The following ARHGAP24 variants were observed in gnomAD, a reference collection of about 807,000 sequenced individuals.
ARHGAP24 encodes rho GTPase-activating protein 24.
In ARHGAP24, 50 loss-of-function variants were observed where a neutral mutation model predicts 76.4. That is an observed-to-expected ratio of 0.65 (90% CI 0.52 to 0.83). The LOEUF (loss-of-function observed/expected upper bound fraction) is 0.83. Ranked by LOEUF, ARHGAP24 falls within the 40% of genes least tolerant of loss-of-function variation. The probability of loss-of-function intolerance (pLI) is 0.00; values close to 1 mark genes in which losing one functional copy is unlikely to be tolerated. For missense variants in ARHGAP24, 930 were observed against 914.2 expected, an observed-to-expected ratio of 1.02 and a Z score of -0.22; for synonymous variants, 345 against 323.3, an observed-to-expected ratio of 1.07 and a Z score of -0.72.
intron 3 of ARHGAP24, among the ~76,000 whole-genome samples, chr4:85,765,498 T>C (rs1726898619): frequency 6.6e-6 from 1 of 152,086 alleles, no homozygotes; most frequent in Admixed American, 6.5e-5. Context: ...AAATAATTAG[T>C]CATGAAAAGG....
At chr4:85,977,797 A>C in intron 8 of ARHGAP24, 106 bp downstream of exon 8, 1 of 1,330,260 alleles carries the variant, frequency 7.5e-7, no homozygotes. Context: ...AAGTGAATAC[A>C]TGGCAACTCC....
rs146736027 is a variant in ARHGAP24 at position 85,564,580 on chromosome 4, G to C, written c.-20-5942G>C. Among the ~76,000 whole-genome samples, 72 of 151,628 alleles carry C rather than the reference G, an allele frequency of 4.7e-4. 1 individual carries two copies. The East Asian group carries it at 0.013, about 27-fold the overall frequency. ...TAAAAAAAAAAGATTTTGTTTTCTA[G>C]AGCAGTGGTCCGCAACCTTTTTAAC... On this transcript the variant is annotated intron_variant, in intron 1 of 9. Coordinates refer to ENST00000395184, the MANE Select transcript of ARHGAP24 (RefSeq NM_001025616.3).
intron 3 of ARHGAP24, among the ~76,000 whole-genome samples, chr4:85,858,649 G>A (rs1295701798): frequency 6.6e-6 from 1 of 152,060 alleles, no homozygotes; most frequent in African/African-American, 2.4e-5. Context: ...AGTTGGCTTT[G>A]CCTCTGTAGA....
intron 2 of ARHGAP24, among the ~76,000 whole-genome samples, chr4:85,664,880 G>T (rs1332315028): frequency 6.6e-6 from 1 of 152,150 alleles, no homozygotes; most frequent in African/African-American, 2.4e-5. Flanking sequence ...CTGAGAGACA[G>T]TTTGTTATAA....
intron 2 of ARHGAP24, among the ~76,000 whole-genome samples, chr4:85,681,131 G>T (rs771553484): frequency 6.6e-6 from 1 of 152,090 alleles, no homozygotes; most frequent in Non-Finnish European, 1.5e-5. Context: ...AACTAAAATG[G>T]TGTTTTAACT....
chr4:85,999,746 A>C (rs1174614963), intron 9 of ARHGAP24: 1 of 152,248 alleles, frequency 6.6e-6, no homozygotes, highest in Non-Finnish European at 1.5e-5. Flanking sequence ...GTTACTGCGA[A>C]TTCTACAATT....
chr4:85,632,150 T>A (rs893989722), intron 2 of ARHGAP24, among the ~76,000 whole-genome samples: 1 of 152,064 alleles, frequency 6.6e-6, no homozygotes, highest in Admixed American at 6.6e-5. Flanking sequence ...TTTCTTCTAC[T>A]CTTTTTCTGA....
At chr4:85,939,590 A>C (rs1312636169) in intron 4 of ARHGAP24, among the ~76,000 whole-genome samples, 1 of 152,200 alleles carries the variant, frequency 6.6e-6, no homozygotes, top group Non-Finnish European at 1.5e-5. Flanking sequence ...GTTTTAAAGT[A>C]AATTCTCATT....
intron 3 of ARHGAP24, among the ~76,000 whole-genome samples, chr4:85,780,230 A>G (rs1002817626): frequency 4.6e-5 from 7 of 151,568 alleles, no homozygotes; most frequent in African/African-American, 1.7e-4. Flanking sequence ...CTGGAGTGCA[A>G]TGGCACGCTC....
At position 85,996,985 on chromosome 4, in the gene ARHGAP24, A is replaced by G. The variant is rs1169434066; in HGVS notation, c.2003+1328A>G. On this transcript the variant is annotated intron_variant, in intron 9 of 9. Transcript: ENST00000395184. ...GTTGCTGATGCATATATGTTCTGAG[A>G]TCTACGGTATATTTCAGAGATTTTG... Among the ~76,000 whole-genome samples, 3 of 152,172 alleles carry G rather than the reference A, an allele frequency of 2.0e-5. No individual in the cohort carries two copies. In the East Asian group the frequency reaches 5.8e-4, roughly 29 times the overall value.
chr4:85,971,952 C>T (rs1032948644), intron 5 of ARHGAP24, 84 bp from the exon 6 acceptor site: 29 of 1,598,434 alleles, frequency 1.8e-5, no homozygotes, highest in Middle Eastern at 3.3e-4. Context: ...GGATAGAATT[C>T]TGACTCCTGG....
At chr4:85,966,667 C>T (rs982676687) in intron 5 of ARHGAP24, among the ~76,000 whole-genome samples, 28 of 152,140 alleles carry the variant, frequency 1.8e-4, no homozygotes, top group African/African-American at 6.8e-4. Flanking sequence ...CAGAGGACTG[C>T]TTAAGCAAGA....
At chr4:85,763,101 C>T (rs1305230323) in intron 3 of ARHGAP24, among the ~76,000 whole-genome samples, 1 of 152,118 alleles carries the variant, frequency 6.6e-6, no homozygotes, top group Non-Finnish European at 1.5e-5. Context: ...TATCCACTGC[C>T]TGATTCTTAT....
intron 2 of ARHGAP24, among the ~76,000 whole-genome samples, chr4:85,640,811 G>A (rs766120341): frequency 1.3e-5 from 2 of 152,162 alleles, no homozygotes; most frequent in East Asian, 3.9e-4. Flanking sequence ...GTCAGGATTT[G>A]ATTATTTGGC....
intron 1 of ARHGAP24, among the ~76,000 whole-genome samples, chr4:85,528,310 T>C (rs572744268): frequency 6.6e-6 from 1 of 152,176 alleles, no homozygotes; most frequent in Admixed American, 6.5e-5. Flanking sequence ...AAGAAAAAAA[T>C]ATTAGCTATG....
At chr4:85,982,602 C>A (rs1338384223) in intron 8 of ARHGAP24, among the ~76,000 whole-genome samples, 1 of 152,042 alleles carries the variant, frequency 6.6e-6, no homozygotes, top group Non-Finnish European at 1.5e-5. Context: ...TACATCCTGG[C>A]CCACTCTTCA....
At chr4:85,729,854 C>T (rs1442662575) in intron 3 of ARHGAP24, among the ~76,000 whole-genome samples, 1 of 152,006 alleles carries the variant, frequency 6.6e-6, no homozygotes, top group Non-Finnish European at 1.5e-5. Context: ...AAAAAATAAA[C>T]AGTGAACCAG....
At chr4:85,947,910 T>C (rs1361038628) in intron 5 of ARHGAP24, among the ~76,000 whole-genome samples, 1 of 152,174 alleles carries the variant, frequency 6.6e-6, no homozygotes, top group African/African-American at 2.4e-5. Flanking sequence ...ACAGGATCAA[T>C]TAATTGATTA....
At chr4:85,648,574 A>T (rs1721813720) in intron 2 of ARHGAP24, among the ~76,000 whole-genome samples, 1 of 152,118 alleles carries the variant, frequency 6.6e-6, no homozygotes, top group Non-Finnish European at 1.5e-5. Flanking sequence ...AGACGACTCT[A>T]AAGCAATCAA....
Sources: allele counts gnomAD v4.1 joint callset (sites outside exome capture counted in the v4.1 genomes callset), GRCh38; gene constraint gnomAD v4.1.1; transcripts MANE v1.5; gene names NCBI Gene and HGNC (gene_info 2026-07-23, HGNC 2026-07-21).